The following CSMD1 variants were observed in gnomAD, a reference collection of about 807,000 sequenced individuals.
The protein encoded by CSMD1 is CUB and Sushi multiple domains 1, also known as CUB and sushi domain-containing protein 1.
A neutral mutation model predicts 417.5 loss-of-function variants in CSMD1; 213 were observed. That is an observed-to-expected ratio of 0.51 (90% CI 0.46 to 0.57). The LOEUF is 0.57. Ranked by LOEUF, CSMD1 falls within the 20% of genes least tolerant of loss-of-function variation. The probability of loss-of-function intolerance (pLI) is 0.00; values close to 1 mark genes in which losing one functional copy is unlikely to be tolerated. For synonymous variants in CSMD1, 2,862 were observed against 1,736.8 expected, an observed-to-expected ratio of 1.65 and a Z score of -16.11; for missense variants, 6,923 against 4,529.7, an observed-to-expected ratio of 1.53 and a Z score of -15.17.
chr8:3,538,071 C>T (rs1330685927), intron 10 of CSMD1, among the ~76,000 whole-genome samples: 1 of 152,174 alleles, frequency 6.6e-6, no homozygotes, highest in Non-Finnish European at 1.5e-5. Context: ...GTCAATGACC[C>T]GATCCTATGC....
intron 5 of CSMD1, among the ~76,000 whole-genome samples, chr8:3,915,444 G>T (rs1189049429): frequency 6.7e-6 from 1 of 149,208 alleles, no homozygotes; most frequent in African/African-American, 2.5e-5. Context: ...TAGCATAGTA[G>T]GTTCGGAAGA....
chr8:3,840,206 T>C (rs1282823595), intron 5 of CSMD1, among the ~76,000 whole-genome samples: 1 of 152,092 alleles, frequency 6.6e-6, no homozygotes, highest in Non-Finnish European at 1.5e-5. Context: ...ACTAAATGCT[T>C]CTGTATGTTT....
chr8:3,709,591 G>C (rs1801378405), intron 6 of CSMD1, among the ~76,000 whole-genome samples: 2 of 148,712 alleles, frequency 1.3e-5, no homozygotes, highest in African/African-American at 2.5e-5. Flanking sequence ...GGTCCAGTCA[G>C]ATGAAGGCCC....
rs1324833089 is a variant in CSMD1, at chr8:3,284,135, G to C, written c.4153+9C>G. 2.6e-6 allele frequency: 4 copies of C among 1,553,248 alleles called. No homozygotes were observed. The highest frequency in any genetic ancestry group is 3.9e-5 in the Admixed American group (2 of 51,170). On this transcript the variant is annotated intron_variant, in intron 26 of 69. Coordinates refer to ENST00000635120, the MANE Select transcript of CSMD1 (RefSeq NM_033225.6). ...TCAAGGTAAAGAAGAAGCACGCTGT[G>C]CCACCTACTGGAGAACTGGATGGAG...
At chr8:4,298,176 G>C (rs374225294) in intron 3 of CSMD1, among the ~76,000 whole-genome samples, 2 of 152,122 alleles carry the variant, frequency 1.3e-5, no homozygotes, top group Non-Finnish European at 2.9e-5. Context: ...ACATAATTTT[G>C]AGGAATCTGC....
At chr8:4,348,254 T>C (rs1800889617) in intron 3 of CSMD1, among the ~76,000 whole-genome samples, 1 of 152,084 alleles carries the variant, frequency 6.6e-6, no homozygotes, top group South Asian at 2.1e-4. Flanking sequence ...GACTATCTCT[T>C]CATGTCTAAG....
At chr8:4,156,203 G>C (rs896131359) in intron 3 of CSMD1, among the ~76,000 whole-genome samples, 2 of 152,108 alleles carry the variant, frequency 1.3e-5, no homozygotes, top group Non-Finnish European at 2.9e-5. Context: ...ATCTGGACTG[G>C]GATCACTGTG....
rs1231999334 is a variant in CSMD1 at position 3,893,339 on chromosome 8, T to TTATATATGTATATATATATATATA, written c.818+104563_818+104564insTATATATATATATATACATATATA. Among the ~76,000 whole-genome samples, 208 of 80,464 alleles carry TTATATATGTATATATATATATATA rather than the reference T, an allele frequency of 2.6e-3. 6 individuals are homozygous for TTATATATGTATATATATATATATA. Among genetic ancestry groups the TTATATATGTATATATATATATATA allele is most frequent in the East Asian group, 0.025 (75 of 2,994 alleles). The allele number at this position is 80,464 out of a possible 152,430, so 52.8% of individuals were successfully genotyped here. A position where few individuals can be genotyped will look rare whatever the true frequency, so the allele number is the denominator to read the frequency against. On this transcript the variant is annotated intron_variant, in intron 5 of 69. Transcript: ENST00000635120. ...TCCCAAACTAATAATATTCACAATT[T>TTATATATGTATATATATATATATA]TATATATATATATATATATATATTA...
At chr8:4,839,025 A>T (rs1563551341) in intron 1 of CSMD1, among the ~76,000 whole-genome samples, 1 of 152,320 alleles carries the variant, frequency 6.6e-6, no homozygotes, top group Non-Finnish European at 1.5e-5. Context: ...TGGTTTTGCC[A>T]GTATAACTTT....
chr8:4,364,595 C>A lies in CSMD1; in HGVS notation c.415+55358G>T, dbSNP rs1474230677. ...ATCCCAGCACTTTGGGAGGCCGAGG[C>A]GGGCGGATCACGAGGTCAGGAGATC... On this transcript the variant is annotated intron_variant, in intron 3 of 69. Coordinates refer to ENST00000635120, the MANE Select transcript of CSMD1 (RefSeq NM_033225.6). 2.9e-4 allele frequency among the ~76,000 whole-genome samples: 5 copies of A among 17,226 alleles called. 2 individuals carry two copies. In the African/African-American group the frequency reaches 3.9e-3, roughly 13 times the overall value. The allele number at this position is 17,226 out of a possible 152,430, so 11.3% of individuals were successfully genotyped here. A position where few individuals can be genotyped will look rare whatever the true frequency, so the allele number is the denominator to read the frequency against.
intron 23 of CSMD1, among the ~76,000 whole-genome samples, chr8:3,314,061 A>G (rs1805566231): frequency 6.6e-6 from 1 of 151,752 alleles, no homozygotes; most frequent in Admixed American, 6.6e-5. Context: ...ATAGGTGGGA[A>G]TTGAACAATG....
intron 6 of CSMD1, among the ~76,000 whole-genome samples, chr8:3,723,869 C>T (rs1451892115): frequency 6.6e-6 from 1 of 152,170 alleles, no homozygotes; most frequent in Non-Finnish European, 1.5e-5. Context: ...AATAGACCAA[C>T]ACGTTTTACT....
intron 27 of CSMD1, among the ~76,000 whole-genome samples, chr8:3,225,429 A>C (rs751937988): frequency 6.6e-6 from 1 of 151,914 alleles, no homozygotes; most frequent in Non-Finnish European, 1.5e-5. Context: ...GTGCAGAAGC[A>C]ATTGTCCCAA....
intron 5 of CSMD1, among the ~76,000 whole-genome samples, chr8:3,930,435 GTTC>G (rs1010030356): frequency 6.6e-6 from 1 of 150,622 alleles, no homozygotes. Context: ...GTCAAAGCCT[GTTC>G]TTCTTCCTTA....
chr8:3,718,130 C>T (rs1236521369), intron 6 of CSMD1, among the ~76,000 whole-genome samples: 1 of 152,122 alleles, frequency 6.6e-6, no homozygotes, highest in East Asian at 1.9e-4. Flanking sequence ...TTGGATCATT[C>T]TTTGGGATAA....
At chr8:4,426,805 G>C (rs1378804434) in intron 2 of CSMD1, among the ~76,000 whole-genome samples, 1 of 148,928 alleles carries the variant, frequency 6.7e-6, no homozygotes, top group Admixed American at 6.8e-5. Flanking sequence ...TAGAAATATA[G>C]TATGTAATAT....
intron 3 of CSMD1, among the ~76,000 whole-genome samples, chr8:4,092,132 G>C (rs1238447680): frequency 6.6e-6 from 1 of 152,070 alleles, no homozygotes; most frequent in African/African-American, 2.4e-5. Context: ...CTCCTTAAGA[G>C]AAGAAAATTT....
chr8:3,720,733 G>T (rs12550837), intron 6 of CSMD1, among the ~76,000 whole-genome samples: 26,293 of 151,978 alleles, frequency 0.17, 2,761 homozygotes, highest in Non-Finnish European at 0.24. Context: ...AGCCCTGGGA[G>T]ATTCATTTTA....
At chr8:3,738,991 C>G (rs1393662180) in intron 6 of CSMD1, among the ~76,000 whole-genome samples, 1 of 152,168 alleles carries the variant, frequency 6.6e-6, no homozygotes, top group African/African-American at 2.4e-5. Flanking sequence ...ATGATCTATT[C>G]AGAGATATAT....
Sources: allele counts gnomAD v4.1 joint callset (sites outside exome capture counted in the v4.1 genomes callset), GRCh38; gene constraint gnomAD v4.1.1; transcripts MANE v1.5; gene names NCBI Gene and HGNC (gene_info 2026-07-23, HGNC 2026-07-21).